FER1L6: variants seen among roughly 807,000 people sequenced by gnomAD.
FER1L6 encodes fer-1-like protein 6.
In FER1L6, 177 loss-of-function variants were observed where a neutral mutation model predicts 219.2. That is an observed-to-expected ratio of 0.81 (90% CI 0.71 to 0.91). FER1L6 has a LOEUF of 0.91. Among genes scored for constraint, FER1L6 ranks in the 40% least tolerant of loss-of-function variants. The pLI is 0.00. For missense variants in FER1L6, 2,153 were observed against 2,259.9 expected (o/e 0.95, Z 0.96); for synonymous variants, 768 against 824.3 (o/e 0.93, Z 1.17).
In FER1L6 at chr8:124,012,174, G is replaced by T. The variant is rs113402601; in HGVS notation, c.1822-1257G>T. 8.8e-3 allele frequency among the ~76,000 whole-genome samples: 1,336 copies of T among 152,258 alleles called. 17 individuals carry two copies. The highest frequency in any genetic ancestry group is 0.03 in the African/African-American group (1,238 of 41,532). ...TCCGTTAAAACCTATGCTAAGTCAA[G>T]AACAAATTTCTCTGTCCCATTTGCT... On this transcript the variant is annotated intron_variant, in intron 14 of 40. Coordinates refer to ENST00000522917, the MANE Select transcript of FER1L6 (RefSeq NM_001039112.2).
At chr8:124,026,098 A>G (rs952144109) in intron 18 of FER1L6, among the ~76,000 whole-genome samples, 1 of 152,132 alleles carries the variant, frequency 6.6e-6, no homozygotes, top group African/African-American at 2.4e-5. Context: ...CCTTATAGAC[A>G]TGTATCTCTG....
chr8:123,869,887 C>T (rs969447648), intron 1 of FER1L6, among the ~76,000 whole-genome samples: 1 of 152,144 alleles, frequency 6.6e-6, no homozygotes, highest in Non-Finnish European at 1.5e-5. Context: ...TACACCTACA[C>T]AAATACACAG....
intron 27 of FER1L6, 29 bp downstream of exon 27, chr8:124,066,579 A>C: frequency 1.2e-6 from 2 of 1,608,180 alleles, no homozygotes; most frequent in Non-Finnish European, 1.7e-6. Context: ...GTGGCAGTTA[A>C]GAGATTCAAT....
At chr8:123,922,707 T>C (rs1813406495) in intron 1 of FER1L6, among the ~76,000 whole-genome samples, 1 of 152,216 alleles carries the variant, frequency 6.6e-6, no homozygotes, top group African/African-American at 2.4e-5. Context: ...ACTCTTAAGG[T>C]TCACATTTTG....
chr8:123,936,714 G>A (rs991635133), intron 1 of FER1L6, among the ~76,000 whole-genome samples: 2 of 151,766 alleles, frequency 1.3e-5, no homozygotes, highest in African/African-American at 4.8e-5. Flanking sequence ...CTTGCCCATA[G>A]CAGACACAAA....
chr8:123,950,636 A>G (rs114830982), intron 1 of FER1L6, among the ~76,000 whole-genome samples: 273 of 152,322 alleles, frequency 1.8e-3, no homozygotes, highest in Middle Eastern at 6.8e-3. Flanking sequence ...GTGAAATATT[A>G]AGATTCTCAA....
At chr8:123,903,635 T>A (rs1812897331) in intron 1 of FER1L6, among the ~76,000 whole-genome samples, 1 of 152,092 alleles carries the variant, frequency 6.6e-6, no homozygotes, top group South Asian at 2.1e-4. Context: ...TTTTCCTAAA[T>A]GGGAAATGAT....
At chr8:123,926,280 A>AG (rs1813558835) in intron 1 of FER1L6, among the ~76,000 whole-genome samples, 1 of 151,982 alleles carries the variant, frequency 6.6e-6, no homozygotes, top group Non-Finnish European at 1.5e-5. Context: ...CGGCCTTCTG[A>AG]GGGTAGGTTA....
chr8:123,999,774 T>C (rs1817321145), intron 12 of FER1L6, among the ~76,000 whole-genome samples: 1 of 152,198 alleles, frequency 6.6e-6, no homozygotes, highest in Non-Finnish European at 1.5e-5. Context: ...GGTATCCAAG[T>C]TGAAAGACAA....
At chr8:123,894,927 T>G (rs1388871098) in intron 1 of FER1L6, among the ~76,000 whole-genome samples, 1 of 152,154 alleles carries the variant, frequency 6.6e-6, no homozygotes, top group African/African-American at 2.4e-5. Context: ...TATAAACAAG[T>G]GCTAAACTGT....
At chr8:123,955,585 T>G (rs1319812144) in intron 1 of FER1L6, among the ~76,000 whole-genome samples, 1 of 152,190 alleles carries the variant, frequency 6.6e-6, no homozygotes, top group Non-Finnish European at 1.5e-5. Flanking sequence ...CTTAGAAACA[T>G]TGCCCGGCCT....
intron 26 of FER1L6, among the ~76,000 whole-genome samples, chr8:124,064,977 A>T (rs1820761177): frequency 6.6e-6 from 1 of 152,210 alleles, no homozygotes; most frequent in Non-Finnish European, 1.5e-5. Context: ...ACGGTTCTGG[A>T]AGGAGAGATT....
At chr8:123,974,241 A>G (rs1815949292) in intron 7 of FER1L6, among the ~76,000 whole-genome samples, 3 of 152,188 alleles carry the variant, frequency 2.0e-5, no homozygotes. Flanking sequence ...TGTGAGGCAT[A>G]AAGGAACAGT....
intron 1 of FER1L6, among the ~76,000 whole-genome samples, chr8:123,897,858 A>G (rs1451278197): frequency 6.6e-6 from 1 of 152,200 alleles, no homozygotes; most frequent in Non-Finnish European, 1.5e-5. Context: ...GCATCAGAAA[A>G]TCAATATGTT....
At chr8:124,116,009 G>A (rs1342489235) in intron 39 of FER1L6, among the ~76,000 whole-genome samples, 1 of 152,196 alleles carries the variant, frequency 6.6e-6, no homozygotes, top group African/African-American at 2.4e-5. Flanking sequence ...AGCAATTACA[G>A]GGTTCCTCTT....
chr8:124,048,063 G>A (rs1819815916), intron 21 of FER1L6, among the ~76,000 whole-genome samples: 1 of 152,230 alleles, frequency 6.6e-6, no homozygotes, highest in South Asian at 2.1e-4. Context: ...TTCCTAGCCA[G>A]CTGCCCTAAC....
At chr8:124,073,614 G>T (rs528090145) in intron 31 of FER1L6, among the ~76,000 whole-genome samples, 1 of 151,928 alleles carries the variant, frequency 6.6e-6, no homozygotes, top group South Asian at 2.1e-4. Flanking sequence ...TTTTTTTCTA[G>T]ATTAGTATGT....
chr8:124,048,553 A>G (rs190154848), intron 21 of FER1L6, among the ~76,000 whole-genome samples: 3 of 152,342 alleles, frequency 2.0e-5, no homozygotes, highest in East Asian at 1.9e-4. Flanking sequence ...ACATACATAC[A>G]TACAAAAATA....
intron 33 of FER1L6, among the ~76,000 whole-genome samples, chr8:124,084,945 T>C (rs527314046): frequency 6.6e-6 from 1 of 152,308 alleles, no homozygotes; most frequent in South Asian, 2.1e-4. Context: ...TTGTTATTGA[T>C]CTATTCAGGT....
Sources: gnomAD v4.1 joint callset for allele counts (sites outside exome capture counted in the v4.1 genomes callset) on GRCh38, gnomAD v4.1.1 for gene constraint, MANE v1.5 for transcripts, NCBI Gene and HGNC (gene_info 2026-07-23, HGNC 2026-07-21) for gene names.